NUP214: variants seen among roughly 807,000 people sequenced by gnomAD.
NUP214 encodes nuclear pore complex protein Nup214.
Under a neutral mutation model 196.2 loss-of-function variants are expected in NUP214, and 79 were observed. That is an observed-to-expected ratio of 0.40 (90% CI 0.34 to 0.49). The LOEUF is 0.49. Ranked by LOEUF, NUP214 falls within the 20% of genes least tolerant of loss-of-function variation. The probability of loss-of-function intolerance (pLI) is 0.58; values close to 1 mark genes in which losing one functional copy is unlikely to be tolerated. For synonymous variants in NUP214, 1,020 were observed against 990.5 expected (o/e 1.03, Z -0.56); for missense variants, 2,468 against 2,539.0 (o/e 0.97, Z 0.60).
At position 131,230,611 on chromosome 9, in the gene NUP214, G is replaced by T. The variant is rs1443906135; in HGVS notation, c.6075-19G>T. 1 of 1,613,594 alleles carries T rather than the reference G, an allele frequency of 6.2e-7. No homozygotes were observed. On this transcript the variant is annotated intron_variant, in intron 33 of 35. Coordinates refer to ENST00000359428, the MANE Select transcript of NUP214 (RefSeq NM_005085.4). ...TGAGAGGCCCCACTGACCTCAGTCT[G>T]TTTCTCACTGGAGCGCAGGTTTGGG...
intron 26 of NUP214, chr9:131,191,935 G>T (rs2131031691): frequency 3.5e-6 from 1 of 282,712 alleles, no homozygotes; most frequent in Middle Eastern, 1.1e-3. Context: ...AACTATACTA[G>T]AATTATTTTG....
intron 21 of NUP214, 56 bp from the exon 22 acceptor site, chr9:131,173,999 A>C: frequency 6.4e-7 from 1 of 1,568,612 alleles, no homozygotes; most frequent in South Asian, 1.2e-5. Flanking sequence ...AAAATTACTT[A>C]GCTTTTGGGC....
At position 131,198,213 on chromosome 9, in the gene NUP214, G is replaced by A; in HGVS notation, c.4719G>A (p.Gly1573=). The A allele has an allele frequency of 6.2e-7, 1 of 1,614,190 alleles. No individual in the cohort carries two copies. Among genetic ancestry groups the A allele is most frequent in the East Asian group, 2.2e-5 (1 of 44,892 alleles). The change falls in exon 29 of 36, where the codon GGG becomes GGA. Residue 1573 remains glycine (G), a synonymous_variant. Coordinates refer to ENST00000359428, the MANE Select transcript of NUP214 (RefSeq NM_005085.4). ...LSAEATPATT[G]VPDARTEAVP... is the part of the protein sequence containing the mutation. ...CAGAGGCTACCCCAGCCACCACGGG[G>A]GTCCCTGATGCCAGGACGGAGGCAG...
At chr9:131,193,787 G>A (rs1046577665) in intron 27 of NUP214, 1 of 151,150 alleles carries the variant, frequency 6.6e-6, no homozygotes, top group Non-Finnish European at 1.5e-5. Context: ...AAGTAGCTGG[G>A]ATCACAGGTG....
chr9:131,231,891 T>C (rs1303124869), intron 34 of NUP214, among the ~76,000 whole-genome samples: 4 of 107,606 alleles, frequency 3.7e-5, no homozygotes, highest in Non-Finnish European at 7.3e-5. Context: ...AGGAAGCAAA[T>C]GGATGGAAAA....
Position 131,174,049 on chromosome 9 carries a change from T to C in NUP214, c.2894-6T>C, listed in dbSNP as rs1363629829. On this transcript the variant is annotated splice_polypyrimidine_tract_variant and splice_region_variant and intron_variant, in intron 21 of 35. Coordinates refer to ENST00000359428, the MANE Select transcript of NUP214 (RefSeq NM_005085.4). The stretch of plus-strand genomic sequence containing the variant: ...CTAAATTGTGTTTTGTTTGGGGCTT[T>C]TGTAGCCAGCCTGTCTCGATCAGCC... The C allele has an allele frequency of 3.1e-6, 5 of 1,611,848 alleles. No homozygotes were observed. Among genetic ancestry groups the C allele is most frequent in the Non-Finnish European group, 4.2e-6 (5 of 1,179,462 alleles).
chr9:131,153,948 C>A (rs919769967), intron 17 of NUP214, among the ~76,000 whole-genome samples: 2 of 152,086 alleles, frequency 1.3e-5, no homozygotes, highest in Admixed American at 1.3e-4. Context: ...AGGGAGCAGC[C>A]GAGCCAGAGA....
intron 21 of NUP214, among the ~76,000 whole-genome samples, chr9:131,166,655 G>A (rs992271519): frequency 6.6e-6 from 1 of 152,070 alleles, no homozygotes; most frequent in Non-Finnish European, 1.5e-5. Flanking sequence ...CCCAGGTCAA[G>A]AAACAGAATA....
Position 131,198,918 on chromosome 9 carries a change from G to A in NUP214, c.5424G>A (p.Gln1808=), listed in dbSNP as rs762222588. Reference sequence around the variant, plus strand: ...AAAGCAACGCTCCTGCTTTTGGGCAGAGTCCTGGCTTTGGACAGGGAGGCT... The same window carrying A: ...AAAGCAACGCTCCTGCTTTTGGGCAAAGTCCTGGCTTTGGACAGGGAGGCT... The part of the protein sequence containing the change: ...FGQSNAPAFG[Q]SPGFGQGGSV... Residue 1808 remains glutamine, a synonymous_variant, in exon 29 of 36, where the codon CAG becomes CAA. Coordinates refer to ENST00000359428, the MANE Select transcript of NUP214 (RefSeq NM_005085.4). 181 of 1,614,086 alleles carry A rather than the reference G, an allele frequency of 1.1e-4. 3 individuals carry two copies. In the South Asian group the frequency reaches 1.9e-3, roughly 17 times the overall value.
At chr9:131,160,915 G>A (rs1325096711) in intron 18 of NUP214, among the ~76,000 whole-genome samples, 1 of 152,118 alleles carries the variant, frequency 6.6e-6, no homozygotes, top group African/African-American at 2.4e-5. Context: ...CCCCATTAGA[G>A]AACTAGCTCA....
In NUP214 at chr9:131,144,559, C is replaced by G. The variant is rs1832025494; in HGVS notation, c.1574C>G (p.Pro525Arg). The change falls in exon 12 of 36, where the codon CCT becomes CGT. Residue 525 changes from proline (P) to arginine (R), a missense_variant. Physicochemically the swap from Pro to Arg is moderately radical, Grantham distance 103. This residue lies in a region of NUP214 where 1,801 missense variants were observed against 1,779.4 expected (regional missense o/e 1.01). Coordinates refer to ENST00000359428, the MANE Select transcript of NUP214 (RefSeq NM_005085.4). ...PGPSTFSFVP[P>R]SKASLAPTPA... ...CCATCAACCTTCTCTTTTGTTCCCC[C>G]TTCTAAAGCCTCCCTAGCCCCCACC... 4.3e-6 allele frequency: 7 copies of G among 1,614,000 alleles called. No homozygotes were observed. The highest frequency in any genetic ancestry group is 1.3e-5 in the African/African-American group (1 of 74,924).
intron 5 of NUP214, 25 bp downstream of exon 5, chr9:131,130,861 A>G (rs1255438044): frequency 9.3e-6 from 15 of 1,604,976 alleles, no homozygotes; most frequent in Non-Finnish European, 1.2e-5. Context: ...TGAACTTCAG[A>G]ATTTTTCTTA....
intron 6 of NUP214, 69 bp downstream of exon 6, chr9:131,132,728 C>A: frequency 1.5e-6 from 2 of 1,315,080 alleles, no homozygotes; most frequent in Non-Finnish European, 2.2e-6. Flanking sequence ...AATTCAAAAT[C>A]ATGTAATGTA....
Position 131,189,101 on chromosome 9 carries a change from G to A in NUP214, c.3544G>A (p.Gly1182Ser), listed in dbSNP as rs753786324. ...GCCATCTGGGCCTACACCAGCATCC[G>A]GTCAGTTATCATCTGGTGACAAAGC... ...LKPSGPTPAS[G>S]QLSSGDKASG... Residue 1182 changes from glycine (G) to serine (S), a missense_variant, in exon 26 of 36, where the codon GGT becomes AGT. By Grantham distance (56) the Gly-to-Ser change is moderately conservative. This residue lies in a region of NUP214 where 1,801 missense variants were observed against 1,779.4 expected (regional missense o/e 1.01). Transcript: ENST00000359428. The A allele has an allele frequency of 1.1e-5, 18 of 1,613,908 alleles. No individual in the cohort carries two copies. Among genetic ancestry groups the A allele is most frequent in the Middle Eastern group, 1.6e-4 (1 of 6,062 alleles).
chr9:131,170,789 GTTATTATTATTATCA>G (rs1832933744), intron 21 of NUP214, among the ~76,000 whole-genome samples: 1 of 112,512 alleles, frequency 8.9e-6, no homozygotes, highest in African/African-American at 3.3e-5. Context: ...CAGTCCTTTT[GTTATTATTATTATCA>G]TTATTATTAT....
chr9:131,169,142 C>T (rs1296018343), intron 21 of NUP214, among the ~76,000 whole-genome samples: 2 of 148,062 alleles, frequency 1.4e-5, no homozygotes, highest in Non-Finnish European at 3.0e-5. Context: ...AAGCAATTCT[C>T]CTGCCTCAGC....
intron 24 of NUP214, 24 bp from the exon 25 acceptor site, chr9:131,187,265 G>C (rs1428271741): frequency 1.2e-6 from 2 of 1,604,360 alleles, no homozygotes; most frequent in Non-Finnish European, 1.7e-6. Context: ...CTTTCTCTGA[G>C]TGTATGCTTT....
At chr9:131,213,574 G>A (rs1371567927) in intron 30 of NUP214, among the ~76,000 whole-genome samples, 2 of 152,198 alleles carry the variant, frequency 1.3e-5, no homozygotes, top group Non-Finnish European at 2.9e-5. Context: ...GTTTCAGCCT[G>A]ATGCATGGAC....
At chr9:131,195,022 C>T (rs908046672) in intron 27 of NUP214, among the ~76,000 whole-genome samples, 6 of 152,226 alleles carry the variant, frequency 3.9e-5, no homozygotes, top group Admixed American at 2.0e-4. Flanking sequence ...CTATCCCTGT[C>T]GTATCTCACA....
Sources: allele counts gnomAD v4.1 joint callset (sites outside exome capture counted in the v4.1 genomes callset), GRCh38; gene constraint gnomAD v4.1.1; regional missense constraint gnomAD v4.1.1; transcripts MANE v1.5; gene names NCBI Gene and HGNC (gene_info 2026-07-23, HGNC 2026-07-21).